CTNNA2: variants seen among roughly 807,000 people sequenced by gnomAD.
CTNNA2 encodes the protein catenin alpha 2.
A neutral mutation model predicts 101.0 loss-of-function variants in CTNNA2; 42 were observed. That is an observed-to-expected ratio of 0.42 (90% CI 0.32 to 0.54). CTNNA2 has a LOEUF of 0.54. Ranked by LOEUF, CTNNA2 falls within the 20% of genes least tolerant of loss-of-function variation. CTNNA2 has a pLI of 0.14. For missense variants in CTNNA2, 871 were observed against 1,223.1 expected, an observed-to-expected ratio of 0.71 and a Z score of 4.29; for synonymous variants, 450 against 456.4, an observed-to-expected ratio of 0.99 and a Z score of 0.18.
intron 9 of CTNNA2, among the ~76,000 whole-genome samples, chr2:80,433,603 C>A (rs1204085801): frequency 2.6e-5 from 4 of 152,000 alleles, no homozygotes; most frequent in Non-Finnish European, 5.9e-5. Flanking sequence ...AAGCAGGGAA[C>A]CTGGTTGCCT....
rs190920429 is a variant in CTNNA2, at chr2:79,498,477, T to A, written c.-134-6577T>A. Among the ~76,000 whole-genome samples, 324 of 152,356 alleles carry A rather than the reference T, an allele frequency of 2.1e-3. 1 individual carries two copies. The highest frequency in any genetic ancestry group is 6.6e-3 in the African/African-American group (274 of 41,584). On this transcript the variant is annotated intron_variant, in intron 4 of 21. Coordinates refer to the CTNNA2 transcript ENST00000466387. ...AGCAAGCATGGTCTCCACAGTAGTT[T>A]ATCTGGTCAAAGTCTGATTCTGATC...
intron 2 of CTNNA2, among the ~76,000 whole-genome samples, chr2:79,682,821 A>T (rs1683673833): frequency 6.6e-6 from 1 of 152,190 alleles, no homozygotes; most frequent in South Asian, 2.1e-4. Flanking sequence ...ATTGTCATAA[A>T]TGCCTGTGGA....
At chr2:79,774,659 T>C (rs1363265764) in intron 3 of CTNNA2, among the ~76,000 whole-genome samples, 1 of 152,120 alleles carries the variant, frequency 6.6e-6, no homozygotes, top group Non-Finnish European at 1.5e-5. Flanking sequence ...AACAGGGCAG[T>C]AATACTGAAC....
chr2:80,606,263 T>A (rs1287227044), intron 16 of CTNNA2, among the ~76,000 whole-genome samples: 1 of 151,764 alleles, frequency 6.6e-6, no homozygotes, highest in African/African-American at 2.4e-5. Flanking sequence ...GTTCAATAGT[T>A]TTGGTTGTGA....
chr2:80,381,840 GA>G (rs1439239482), intron 7 of CTNNA2, among the ~76,000 whole-genome samples: 1 of 152,086 alleles, frequency 6.6e-6, no homozygotes, highest in African/African-American at 2.4e-5. Flanking sequence ...CCATTTTATC[GA>G]ATCTATTCTC....
chr2:80,167,607 G>A (rs575209905), intron 7 of CTNNA2, among the ~76,000 whole-genome samples: 1 of 152,324 alleles, frequency 6.6e-6, no homozygotes, highest in African/African-American at 2.4e-5. Flanking sequence ...GAGGGTACCA[G>A]TGTTAAAGAT....
At chr2:80,290,458 A>G (rs768263062) in intron 7 of CTNNA2, among the ~76,000 whole-genome samples, 10 of 151,926 alleles carry the variant, frequency 6.6e-5, no homozygotes, top group African/African-American at 1.2e-4. Context: ...AAACCTCACC[A>G]TGGTGAGGTT....
chr2:79,507,617 G>A (rs1021614913), intron 5 of CTNNA2, among the ~76,000 whole-genome samples: 10 of 152,082 alleles, frequency 6.6e-5, no homozygotes, highest in African/African-American at 2.2e-4. Context: ...GTTTGTTATA[G>A]AAGCAAAAAA....
At chr2:79,343,294 T>TA (rs543080242) in intron 3 of CTNNA2, among the ~76,000 whole-genome samples, 143 of 151,962 alleles carry the variant, frequency 9.4e-4, no homozygotes, top group African/African-American at 3.2e-3. Flanking sequence ...AACAAATGTT[T>TA]AAAAAAAATA....
rs568124918 is a variant in CTNNA2, at chr2:80,068,062, G to A, written c.1056+158265G>A. On this transcript the variant is annotated intron_variant, in intron 7 of 18. Coordinates refer to ENST00000402739, the MANE Select transcript of CTNNA2 (RefSeq NM_001282597.3). ...TGTTGTTTCTTCAAGCCTCTAAATC[G>A]CAGGGTAATTTGACATGCAGTGATA... Among the ~76,000 whole-genome samples the A allele has an allele frequency of 4.4e-4, 67 of 152,270 alleles. No individual in the cohort carries two copies. In the South Asian group the frequency reaches 0.013, roughly 30 times the overall value.
chr2:79,651,682 T>C (rs1681263239), intron 2 of CTNNA2, 24 bp downstream of exon 2: 1 of 1,575,640 alleles, frequency 6.3e-7, no homozygotes, highest in Non-Finnish European at 8.7e-7. Flanking sequence ...TGAAACCACT[T>C]TGTTATATAT....
At chr2:80,310,142 T>C (rs1208715714) in intron 7 of CTNNA2, among the ~76,000 whole-genome samples, 1 of 152,190 alleles carries the variant, frequency 6.6e-6, no homozygotes, top group Non-Finnish European at 1.5e-5. Flanking sequence ...TCCCTAGTTT[T>C]GTAATTGAGA....
Position 80,205,726 on chromosome 2 carries a change from A to G in CTNNA2, c.1057-187485A>G, listed in dbSNP as rs542752425. ...TTTTCCAGATTGCTAAACCTTCTCT[A>G]TTGAAACTCTTCTGTATGTCTTAAG... is the stretch of plus-strand genomic sequence containing the variant. On this transcript the variant is annotated intron_variant, in intron 7 of 18. Transcript: ENST00000402739. Among the ~76,000 whole-genome samples the G allele has an allele frequency of 1.2e-4, 19 of 152,262 alleles. No homozygotes were observed. The South Asian group carries it at 3.9e-3, about 32-fold the overall frequency.
Position 79,242,572 on chromosome 2 carries a change from C to T in CTNNA2, c.-406+44496C>T, listed in dbSNP as rs147843204. ...CTCTTGCAAACAAGTCATTCTTCTCCACAACTACAATAATAAAATAACATC... is the reference window on the plus strand; with the variant it reads ...CTCTTGCAAACAAGTCATTCTTCTCTACAACTACAATAATAAAATAACATC... On this transcript the variant is annotated intron_variant, in intron 2 of 21. Transcript: ENST00000466387. 1.8e-3 allele frequency among the ~76,000 whole-genome samples: 273 copies of T among 152,236 alleles called. 1 individual carries two copies. Among genetic ancestry groups the T allele is most frequent in the African/African-American group, 6.4e-3 (266 of 41,548 alleles).
intron 4 of CTNNA2, among the ~76,000 whole-genome samples, chr2:79,869,458 G>A (rs1392137548): frequency 6.6e-6 from 1 of 151,990 alleles, no homozygotes; most frequent in Non-Finnish European, 1.5e-5. Flanking sequence ...CTCTTCTGAA[G>A]GCTTCTAGAA....
chr2:80,256,254 A>G (rs550729019), intron 7 of CTNNA2, among the ~76,000 whole-genome samples: 1 of 152,188 alleles, frequency 6.6e-6, no homozygotes, highest in South Asian at 2.1e-4. Flanking sequence ...GGGGAAATTC[A>G]TCACAAAAAT....
chr2:80,399,546 G>A (rs772241525), intron 8 of CTNNA2, among the ~76,000 whole-genome samples: 18 of 152,120 alleles, frequency 1.2e-4, no homozygotes, highest in African/African-American at 3.4e-4. Flanking sequence ...GATCTATAAC[G>A]TAAGTATGAA....
At chr2:80,462,631 C>CTTTTTTTTTTTTT (rs753815778) in intron 9 of CTNNA2, among the ~76,000 whole-genome samples, 60 of 94,762 alleles carry the variant, frequency 6.3e-4, no homozygotes, top group East Asian at 1.1e-3. Context: ...TTCTTTCTTT[C>CTTTTTTTTTTTTT]TTTTTTTTTT....
intron 3 of CTNNA2, among the ~76,000 whole-genome samples, chr2:79,773,794 A>C (rs1673765282): frequency 6.6e-6 from 1 of 152,094 alleles, no homozygotes; most frequent in African/African-American, 2.4e-5. Context: ...GATATGTGCC[A>C]AACTGCTTTC....
Sources: allele counts gnomAD v4.1 joint callset (sites outside exome capture counted in the v4.1 genomes callset), GRCh38; gene constraint gnomAD v4.1.1; transcripts MANE v1.5; gene names NCBI Gene and HGNC (gene_info 2026-07-23, HGNC 2026-07-21).